The following IQGAP2 variants were observed in gnomAD, a reference collection of about 807,000 sequenced individuals.
The protein encoded by IQGAP2 is IQ motif containing GTPase activating protein 2, also known as ras GTPase-activating-like protein IQGAP2.
A neutral mutation model predicts 201.3 loss-of-function variants in IQGAP2; 173 were observed. The observed-to-expected ratio is 0.86, with a 90% CI of 0.76 to 0.98. The LOEUF is 0.98. IQGAP2 is among the 50% of genes least tolerant of loss of function. The pLI, the probability that IQGAP2 is intolerant of heterozygous loss-of-function variation, is 0.00. For missense variants in IQGAP2, 1,687 were observed against 1,864.8 expected, an observed-to-expected ratio of 0.90 and a Z score of 1.76; for synonymous variants, 675 against 673.9, an observed-to-expected ratio of 1.00 and a Z score of -0.03.
chr5:76,553,068 G>T (rs892959723), intron 2 of IQGAP2, among the ~76,000 whole-genome samples: 1 of 152,140 alleles, frequency 6.6e-6, no homozygotes, highest in Admixed American at 6.5e-5. Context: ...CTTTAGTTTT[G>T]CAGGGTGGGT....
At chr5:76,413,853 G>A (rs1751270330) in intron 1 of IQGAP2, among the ~76,000 whole-genome samples, 1 of 152,206 alleles carries the variant, frequency 6.6e-6, no homozygotes, top group Admixed American at 6.5e-5. Context: ...AGAATGTAGA[G>A]TTTGACTTAG....
At chr5:76,623,129 C>G in intron 13 of IQGAP2, 1 of 1,600,080 alleles carries the variant, frequency 6.2e-7, no homozygotes. Context: ...GTAACAGAAA[C>G]CCACATCCCC....
chr5:76,556,233 A>G (rs534577669), intron 2 of IQGAP2, among the ~76,000 whole-genome samples: 4 of 152,268 alleles, frequency 2.6e-5, no homozygotes, highest in Admixed American at 1.3e-4. Flanking sequence ...TATGACATTT[A>G]CATAGTGCGG....
rs529797182 is a variant in IQGAP2, at chr5:76,454,522, A to G, written c.47-7048A>G. 1.2e-3 allele frequency among the ~76,000 whole-genome samples: 172 copies of G among 144,680 alleles called. 3 individuals are homozygous for G. The South Asian group carries it at 0.029, about 24-fold the overall frequency. The allele number at this position is 144,680 out of a possible 152,430, so 94.9% of individuals were successfully genotyped here. A position where few individuals can be genotyped will look rare whatever the true frequency, so the allele number is the denominator to read the frequency against. Reference sequence around the variant, plus strand: ...TGTTCTCATTGTTCATTTCCCACCTATGAGTGAGAACATGCGGTGTTTGGT... The same window carrying G: ...TGTTCTCATTGTTCATTTCCCACCTGTGAGTGAGAACATGCGGTGTTTGGT... On this transcript the variant is annotated intron_variant, in intron 1 of 35. Coordinates refer to ENST00000274364, the MANE Select transcript of IQGAP2 (RefSeq NM_006633.5).
intron 9 of IQGAP2, among the ~76,000 whole-genome samples, chr5:76,595,764 AAGAAAG>A (rs1477777500): frequency 1.4e-5 from 2 of 138,956 alleles, no homozygotes; most frequent in Admixed American, 7.5e-5. Flanking sequence ...GTCTCAAAAA[AAGAAAG>A]AGAGAGAGAG....
intron 26 of IQGAP2, among the ~76,000 whole-genome samples, 155 bp from the exon 27 acceptor site, chr5:76,674,322 G>T (rs924635325): frequency 2.6e-5 from 4 of 151,914 alleles, no homozygotes; most frequent in Non-Finnish European, 5.9e-5. Flanking sequence ...TATATTCATT[G>T]CCTTTATTAA....
At chr5:76,465,631 T>A (rs1434507373) in intron 2 of IQGAP2, among the ~76,000 whole-genome samples, 1 of 152,100 alleles carries the variant, frequency 6.6e-6, no homozygotes, top group Non-Finnish European at 1.5e-5. Flanking sequence ...TCCATAGGAA[T>A]CTACTAAAAA....
intron 2 of IQGAP2, among the ~76,000 whole-genome samples, chr5:76,480,370 G>C (rs1755702121): frequency 6.6e-6 from 1 of 151,964 alleles, no homozygotes; most frequent in South Asian, 2.1e-4. Flanking sequence ...CCCTCTCTCT[G>C]GAATAGTTTT....
intron 2 of IQGAP2, among the ~76,000 whole-genome samples, chr5:76,557,283 G>GA (rs1744015051): frequency 6.6e-6 from 1 of 152,178 alleles, no homozygotes; most frequent in South Asian, 2.1e-4. Flanking sequence ...TATCATGTCA[G>GA]AAAATCAACA....
intron 2 of IQGAP2, among the ~76,000 whole-genome samples, chr5:76,540,637 A>C (rs1742697841): frequency 6.6e-6 from 1 of 152,214 alleles, no homozygotes; most frequent in South Asian, 2.1e-4. Context: ...GAGTTAGAAG[A>C]AAAGACCAAT....
At chr5:76,686,307 T>A (rs560397046) in intron 30 of IQGAP2, among the ~76,000 whole-genome samples, 21 of 151,116 alleles carry the variant, frequency 1.4e-4, no homozygotes, top group African/African-American at 5.1e-4. Flanking sequence ...TTTTTTTTTT[T>A]TTATTTTGAT....
In IQGAP2 at chr5:76,403,385, G is replaced by C. The variant is rs1242740943; in HGVS notation, c.-161G>C. On this transcript the variant is annotated 5_prime_UTR_variant, in exon 1 of 36. Coordinates refer to ENST00000274364, the MANE Select transcript of IQGAP2 (RefSeq NM_006633.5). The surrounding 1 kb of genome is among the most constrained non-coding windows in gnomAD (Gnocchi z 4.8). ...CGCGGCGGCCGTGGCTGGCTCTGGCGAGAGAGCACCGAGGGAGTGGGTCGC... is the reference window on the plus strand; with the variant it reads ...CGCGGCGGCCGTGGCTGGCTCTGGCCAGAGAGCACCGAGGGAGTGGGTCGC... 4.3e-6 allele frequency: 2 copies of C among 466,538 alleles called. No individual in the cohort carries two copies. Among genetic ancestry groups the C allele is most frequent in the Non-Finnish European group, 3.5e-6 (1 of 282,516 alleles). 28.9% of individuals were successfully genotyped at this position (466,538 alleles called of 1,614,324 possible).
intron 1 of IQGAP2, among the ~76,000 whole-genome samples, chr5:76,439,331 A>G (rs1476056737): frequency 6.6e-6 from 1 of 152,192 alleles, no homozygotes; most frequent in African/African-American, 2.4e-5. Context: ...CTTGGGTAGA[A>G]TGTTTTGTAA....
At chr5:76,541,460 T>C (rs987065523) in intron 2 of IQGAP2, among the ~76,000 whole-genome samples, 1 of 152,232 alleles carries the variant, frequency 6.6e-6, no homozygotes, top group African/African-American at 2.4e-5. Context: ...TGTTTCCATG[T>C]TTTGGTGATC....
At chr5:76,448,607 A>T (rs1753544041) in intron 1 of IQGAP2, among the ~76,000 whole-genome samples, 1 of 152,162 alleles carries the variant, frequency 6.6e-6, no homozygotes, top group African/African-American at 2.4e-5. Context: ...CATAAGTGGA[A>T]GCATCAGGAT....
chr5:76,640,101 T>A (rs768932171), intron 16 of IQGAP2, among the ~76,000 whole-genome samples: 1 of 147,462 alleles, frequency 6.8e-6, no homozygotes, highest in Non-Finnish European at 1.5e-5. Flanking sequence ...TTATAAAAAA[T>A]TGTATTTATT....
chr5:76,529,356 G>A (rs577882055), intron 2 of IQGAP2, among the ~76,000 whole-genome samples: 7 of 152,232 alleles, frequency 4.6e-5, no homozygotes, highest in East Asian at 3.9e-4. Flanking sequence ...AGGGCTGGGC[G>A]CAGTGGCTCA....
intron 17 of IQGAP2, among the ~76,000 whole-genome samples, chr5:76,651,642 C>A (rs988263543): frequency 6.6e-6 from 1 of 152,004 alleles, no homozygotes; most frequent in Non-Finnish European, 1.5e-5. Flanking sequence ...TATGATGTTA[C>A]CATTGGGGGA....
chr5:76,575,703 C>A lies in IQGAP2; in HGVS notation c.392C>A (p.Pro131Gln). 6.4e-7 allele frequency: 1 copy of A among 1,566,620 alleles called. No individual in the cohort carries two copies. Residue 131 changes from proline (P) to glutamine (Q), a missense_variant, in exon 5 of 36, where the codon CCA becomes CAA. By Grantham distance (76) the Pro-to-Gln change is moderately conservative. Transcript: ENST00000274364. Reference sequence around the variant, plus strand: ...TCTTTTGTTTTCCAGATATTTTATCCAGAAACAACAGATGTCTATGATCGG... The same window carrying A: ...TCTTTTGTTTTCCAGATATTTTATCAAGAAACAACAGATGTCTATGATCGG... ...ESIGLPKIFY[P>Q]ETTDVYDRKN...
Sources: allele counts gnomAD v4.1 joint callset (sites outside exome capture counted in the v4.1 genomes callset), GRCh38; gene constraint gnomAD v4.1.1; non-coding constraint Gnocchi (gnomAD v3.1); transcripts MANE v1.5; gene names NCBI Gene and HGNC (gene_info 2026-07-23, HGNC 2026-07-21).